EPHA3: variants seen among roughly 807,000 people sequenced by gnomAD.
The protein encoded by EPHA3 is ephrin type-A receptor 3.
Under a neutral mutation model 107.1 loss-of-function variants are expected in EPHA3, and 42 were observed. The observed-to-expected ratio is 0.39, with a 90% CI of 0.31 to 0.51. The LOEUF is 0.51. Among genes scored for constraint, EPHA3 ranks in the 20% least tolerant of loss-of-function variants. The probability of loss-of-function intolerance (pLI) is 0.78; values close to 1 mark genes in which losing one functional copy is unlikely to be tolerated. For missense variants in EPHA3, 1,183 were observed against 1,211.2 expected (o/e 0.98, Z 0.35); for synonymous variants, 461 against 424.8 (o/e 1.09, Z -1.05).
intron 3 of EPHA3, among the ~76,000 whole-genome samples, chr3:89,243,899 C>A (rs2107250194): frequency 6.6e-6 from 1 of 152,180 alleles, no homozygotes; most frequent in East Asian, 1.9e-4. Flanking sequence ...ACCACTTGTT[C>A]TTTTACACCA....
At chr3:89,397,659 C>T (rs34709539) in intron 6 of EPHA3, among the ~76,000 whole-genome samples, 3,813 of 151,314 alleles carry the variant, frequency 0.025, 71 homozygotes, top group Middle Eastern at 0.048. Flanking sequence ...TCTCGGCTCA[C>T]CGCCACCTCC....
chr3:89,211,749 CTT>C lies in EPHA3; in HGVS notation c.814+1230_814+1231del. Among the ~76,000 whole-genome samples the C allele has an allele frequency of 1.2e-4, 4 of 32,170 alleles. 1 individual carries two copies. The South Asian group carries it at 5.7e-3, about 46-fold the overall frequency. 21.1% of individuals were successfully genotyped at this position (32,170 alleles called of 152,430 possible). ...TTTTCTTCTTCTTCTTCTCCTTCTT[CTT>C]CTTCTTCTTCTTCTTCTTCTTCTTC... On this transcript the variant is annotated intron_variant, in intron 3 of 16. Coordinates refer to ENST00000336596, the MANE Select transcript of EPHA3 (RefSeq NM_005233.6).
intron 2 of EPHA3, among the ~76,000 whole-genome samples, chr3:89,157,287 A>C (rs1429397066): frequency 6.6e-6 from 1 of 152,010 alleles, no homozygotes; most frequent in East Asian, 1.9e-4. Flanking sequence ...TTAAAATTCA[A>C]TTGCCAGATA....
chr3:89,479,501 A>G lies in EPHA3; in HGVS notation c.2951A>G (p.Ter984=), dbSNP rs1341990867. 6.2e-7 allele frequency: 1 copy of G among 1,610,850 alleles called. No individual in the cohort carries two copies. Among genetic ancestry groups the G allele is most frequent in the Non-Finnish European group, 8.5e-7 (1 of 1,177,182 alleles). The change falls in exon 17 of 17, where the codon TAA becomes TGA. Residue 984 remains the stop codon, a stop_retained_variant. Coordinates refer to ENST00000336596, the MANE Select transcript of EPHA3 (RefSeq NM_005233.6). ...TQSKNGPVPV[*] ...TCAAAGAATGGCCCAGTTCCCGTGT[A>G]AAGCACGGGACGGAAGTGCTTCTGG...
chr3:89,250,774 C>T (rs982295905), intron 3 of EPHA3, among the ~76,000 whole-genome samples: 18 of 152,290 alleles, frequency 1.2e-4, no homozygotes, highest in Admixed American at 1.0e-3. Context: ...ATGTAAAATC[C>T]TGCCATATAT....
At chr3:89,147,811 G>T (rs1270612250) in intron 2 of EPHA3, among the ~76,000 whole-genome samples, 1 of 151,866 alleles carries the variant, frequency 6.6e-6, no homozygotes, top group African/African-American at 2.4e-5. Flanking sequence ...TAACAATTGA[G>T]AAAACAAAAT....
chr3:89,122,619 T>G (rs1707415468), intron 1 of EPHA3, among the ~76,000 whole-genome samples: 1 of 152,330 alleles, frequency 6.6e-6, no homozygotes, highest in Middle Eastern at 3.4e-3. Flanking sequence ...TCTTTCAAGG[T>G]GTGAATATTA....
At chr3:89,181,608 T>C (rs1310036917) in intron 2 of EPHA3, among the ~76,000 whole-genome samples, 2 of 151,992 alleles carry the variant, frequency 1.3e-5, no homozygotes, top group Admixed American at 1.3e-4. Flanking sequence ...TTTTGGATTA[T>C]TAGTGCCATA....
At chr3:89,268,654 AC>A (rs1342204389) in intron 3 of EPHA3, among the ~76,000 whole-genome samples, 1 of 151,984 alleles carries the variant, frequency 6.6e-6, no homozygotes, top group Non-Finnish European at 1.5e-5. Context: ...TATATCTATG[AC>A]ATATTTAAAA....
At chr3:89,350,857 T>G (rs1206577067) in intron 5 of EPHA3, among the ~76,000 whole-genome samples, 1 of 151,094 alleles carries the variant, frequency 6.6e-6, no homozygotes, top group African/African-American at 2.4e-5. Context: ...CAGCTGCAGG[T>G]CTGTTGGAAT....
rs112588638 is a variant in EPHA3, at chr3:89,308,165, A to G, written c.815-32751A>G. ...ATAAGTTGTGTGAAATATTTAAAAG[A>G]AGGATAAAATGGTATTAAGTCTCCC... is the stretch of plus-strand genomic sequence containing the variant. On this transcript the variant is annotated intron_variant, in intron 3 of 16. Transcript: ENST00000336596. Among the ~76,000 whole-genome samples, 765 of 152,258 alleles carry G rather than the reference A, an allele frequency of 5.0e-3. 9 individuals are homozygous for G. Among genetic ancestry groups the G allele is most frequent in the African/African-American group, 0.018 (732 of 41,566 alleles).
chr3:89,243,599 G>A (rs1704961673), intron 3 of EPHA3, among the ~76,000 whole-genome samples: 1 of 152,098 alleles, frequency 6.6e-6, no homozygotes. Flanking sequence ...TTTTGATGGG[G>A]TTGTTGGTTT....
At chr3:89,329,276 C>T (rs1293515366) in intron 3 of EPHA3, among the ~76,000 whole-genome samples, 1 of 152,002 alleles carries the variant, frequency 6.6e-6, no homozygotes, top group South Asian at 2.1e-4. Context: ...CCACTCCCCG[C>T]TCCGCCCCCA....
intron 2 of EPHA3, among the ~76,000 whole-genome samples, chr3:89,130,420 C>A (rs1414358075): frequency 6.6e-6 from 1 of 152,052 alleles, no homozygotes; most frequent in African/African-American, 2.4e-5. Context: ...ATAAGTGATT[C>A]ATTTCAAACT....
At chr3:89,460,798 A>T (rs1710215369) in intron 15 of EPHA3, among the ~76,000 whole-genome samples, 1 of 142,954 alleles carries the variant, frequency 7.0e-6, no homozygotes, top group East Asian at 2.0e-4. Context: ...AATATGCCGA[A>T]TACCCAAGTG....
intron 5 of EPHA3, among the ~76,000 whole-genome samples, chr3:89,366,319 G>T (rs1300419162): frequency 6.6e-6 from 1 of 150,594 alleles, no homozygotes; most frequent in Non-Finnish European, 1.5e-5. Context: ...AGCAAGGGGG[G>T]AGTTGTAGCT....
intron 15 of EPHA3, among the ~76,000 whole-genome samples, chr3:89,452,765 C>A (rs1439087251): frequency 6.6e-6 from 1 of 151,974 alleles, no homozygotes; most frequent in Non-Finnish European, 1.5e-5. Context: ...AAATTGTTAC[C>A]AAGACCAGTG....
chr3:89,329,208 T>TCGG (rs1707236951), intron 3 of EPHA3, among the ~76,000 whole-genome samples: 1 of 152,066 alleles, frequency 6.6e-6, no homozygotes, highest in Non-Finnish European at 1.5e-5. Flanking sequence ...ACACATACCC[T>TCGG]CGGCGTGTCC....
intron 3 of EPHA3, among the ~76,000 whole-genome samples, chr3:89,255,332 A>G (rs1026862243): frequency 1.3e-5 from 2 of 152,042 alleles, no homozygotes; most frequent in African/African-American, 4.8e-5. Flanking sequence ...ATGGCCAAAG[A>G]GAGAGAGAGC....
Sources: allele counts gnomAD v4.1 joint callset (sites outside exome capture counted in the v4.1 genomes callset), GRCh38; gene constraint gnomAD v4.1.1; transcripts MANE v1.5; gene names NCBI Gene and HGNC (gene_info 2026-07-23, HGNC 2026-07-21).